PLG: variants seen among roughly 807,000 people sequenced by gnomAD.
PLG encodes the protein plasminogen.
In PLG, 41 loss-of-function variants were observed where a neutral mutation model predicts 104.4. The ratio of observed to expected loss-of-function variants is 0.39; its 90% CI spans 0.31 to 0.51. PLG has a LOEUF of 0.51. PLG is among the 20% of genes least tolerant of loss of function. PLG has a pLI of 0.76. For missense variants in PLG, 891 were observed against 1,003.6 expected (o/e 0.89, Z 1.52); for synonymous variants, 337 against 357.1 (o/e 0.94, Z 0.63).
rs771422389 is a variant in PLG, at chr6:160,718,359, G to T, written c.853G>T (p.Gly285Trp). 5 of 1,613,864 alleles carry T rather than the reference G, an allele frequency of 3.1e-6. No homozygotes were observed. Among genetic ancestry groups the T allele is most frequent in the Non-Finnish European group, 4.2e-6 (5 of 1,179,696 alleles). Residue 285 changes from glycine (G) to tryptophan (W), a missense_variant, in exon 8 of 19, where the codon GGG becomes TGG. Gly to Trp is a radical substitution (Grantham distance 184, BLOSUM62 -2). This residue lies in a region of PLG where 854 missense variants were observed against 932.1 expected (regional missense o/e 0.92). Coordinates refer to ENST00000308192, the MANE Select transcript of PLG (RefSeq NM_000301.5). The part of the protein sequence containing the change: ...CLKGTGENYR[G>W]NVAVTVSGHT... ...GAAGGGAACAGGTGAAAACTATCGCGGGAATGTGGCTGTTACCGTGTCCGG... is the reference window on the plus strand; with the variant it reads ...GAAGGGAACAGGTGAAAACTATCGCTGGAATGTGGCTGTTACCGTGTCCGG...
Position 160,737,361 on chromosome 6 carries a change from G to A in PLG, c.1802+354G>A, listed in dbSNP as rs1305206136. On this transcript the variant is annotated intron_variant, in intron 14 of 18. Coordinates refer to ENST00000308192, the MANE Select transcript of PLG (RefSeq NM_000301.5). This position sits in a 1 kb window ranked among gnomAD's most constrained non-coding sequence, Gnocchi z 4.7. ...CATTGTCAGATGAAAAGAGGGGGAAGTTTTTAGAAATGTGACACTTTCTGG... is the reference window on the plus strand; with the variant it reads ...CATTGTCAGATGAAAAGAGGGGGAAATTTTTAGAAATGTGACACTTTCTGG... Among the ~76,000 whole-genome samples, 1 of 152,150 alleles carries A rather than the reference G, an allele frequency of 6.6e-6. No individual in the cohort carries two copies. The highest frequency in any genetic ancestry group is 2.4e-5 in the African/African-American group (1 of 41,434).
intron 3 of PLG, 34 bp from the exon 4 acceptor site, chr6:160,711,043 A>G (rs772526512): frequency 6.2e-7 from 1 of 1,610,242 alleles, no homozygotes; most frequent in Non-Finnish European, 8.5e-7. Flanking sequence ...GTGTCTTGTG[A>G]AAGACTTTGA....
rs1459831494 is a variant in PLG at position 160,731,872 on chromosome 6, A to G, written c.1566A>G (p.Pro522=). ...GCATTTTCACTCCAGAGACAAATCC[A>G]CGGGCGGGTCTGGAAAAAAATGTAA... is the stretch of plus-strand genomic sequence containing the variant. The part of the protein sequence containing the change: ...RHSIFTPETN[P]RAGLEKNYCR... The change falls in exon 12 of 19, where the codon CCA becomes CCG. Residue 522 remains proline, a synonymous_variant. Coordinates refer to ENST00000308192, the MANE Select transcript of PLG (RefSeq NM_000301.5). The surrounding 1 kb of genome is among the most constrained non-coding windows in gnomAD (Gnocchi z 5.1). 6.2e-7 allele frequency: 1 copy of G among 1,613,992 alleles called. No individual in the cohort carries two copies. Among genetic ancestry groups the G allele is most frequent in the Non-Finnish European group, 8.5e-7 (1 of 1,180,008 alleles).
At chr6:160,718,122 C>T (rs1293616784) in intron 7 of PLG, among the ~76,000 whole-genome samples, 172 bp from the exon 8 acceptor site, 1 of 152,130 alleles carries the variant, frequency 6.6e-6, no homozygotes, top group Admixed American at 6.5e-5. Flanking sequence ...TGTGGTGACA[C>T]GCACCTGTAG....
intron 1 of PLG, 167 bp from the exon 2 acceptor site, chr6:160,706,240 T>C: frequency 1.2e-6 from 1 of 840,266 alleles, no homozygotes; most frequent in South Asian, 1.6e-5. Context: ...TGCCCGACTG[T>C]GTGTTCTTAA....
intron 3 of PLG, among the ~76,000 whole-genome samples, chr6:160,710,117 T>C (rs1486176964): frequency 1.3e-5 from 2 of 152,334 alleles, no homozygotes; most frequent in Non-Finnish European, 1.5e-5. Context: ...TCAATCTGAA[T>C]GTGTAAAACC....
Position 160,731,960 on chromosome 6 carries a change from G to T in PLG, c.1587+67G>T. 1.3e-6 allele frequency: 2 copies of T among 1,540,984 alleles called. No individual in the cohort carries two copies. The highest frequency in any genetic ancestry group is 1.8e-6 in the Non-Finnish European group (2 of 1,115,370). On this transcript the variant is annotated intron_variant, in intron 12 of 18. Transcript: ENST00000308192. This position sits in a 1 kb window ranked among gnomAD's most constrained non-coding sequence, Gnocchi z 5.1. ...AATCTTTGCAAACAGAATTGGTTCT[G>T]TGTTACAGAAAATCTGACCTGGACT...
intron 3 of PLG, 54 bp from the exon 4 acceptor site, chr6:160,711,023 C>G: frequency 6.3e-7 from 1 of 1,586,730 alleles, no homozygotes. Context: ...GCTGTGCAGA[C>G]CTTCATGTGG....
chr6:160,753,601 T>C lies in PLG; in HGVS notation c.*540T>C, dbSNP rs1441553495. 3.3e-5 allele frequency among the ~76,000 whole-genome samples: 5 copies of C among 152,132 alleles called. No homozygotes were observed. The highest frequency in any genetic ancestry group is 7.4e-5 in the Non-Finnish European group (5 of 68,018). On this transcript the variant is annotated 3_prime_UTR_variant, in exon 19 of 19. Transcript: ENST00000308192. This position sits in a 1 kb window ranked among gnomAD's most constrained non-coding sequence, Gnocchi z 5.4. ...ATTGGGAATGAAATCTGTCACCGAC[T>C]GCTTGACTTGAGCCCAGGGGACACG...
intron 6 of PLG, 128 bp downstream of exon 6, chr6:160,715,042 T>C: frequency 1.1e-6 from 1 of 919,922 alleles, no homozygotes; most frequent in Non-Finnish European, 1.7e-6. Flanking sequence ...ATTTCAAAGC[T>C]AACCTCCTCC....
chr6:160,707,827 C>T (rs779094073), intron 3 of PLG, 21 bp downstream of exon 3: 47 of 1,524,978 alleles, frequency 3.1e-5, no homozygotes, highest in Non-Finnish European at 3.8e-5. Flanking sequence ...TTTCTTCCTC[C>T]TCCTCCTACT....
rs1778416234 is a variant in PLG, at chr6:160,752,252, A to G, written c.2263A>G (p.Ser755Gly). ...TGGGCATTTGGCCGGAGGCACTGAC[A>G]GTTGCCAGGTAAGCAAAGATCAAGA... ...CAGHLAGGTD[S>G]CQGDSGGPLV... The change falls in exon 18 of 19, where the codon AGT (serine) becomes GGT (glycine). Residue 755 changes from serine to glycine, a missense_variant. This residue lies in a region of PLG where 37 missense variants were observed against 71.5 expected (regional missense o/e 0.52). Transcript: ENST00000308192. The surrounding 1 kb of genome is among the most constrained non-coding windows in gnomAD (Gnocchi z 4.7). The G allele has an allele frequency of 8.1e-6, 13 of 1,613,872 alleles. No individual in the cohort carries two copies. The highest frequency in any genetic ancestry group is 1.1e-5 in the Non-Finnish European group (13 of 1,179,844).
In PLG at chr6:160,716,773, A is replaced by T. The variant is rs1288548252; in HGVS notation, c.787+10A>T. Reference sequence around the variant, plus strand: ...GACATCCCCCGCTGCAGTGAGTATGATGCACACCCAGATTCCAGGATTTGG... The same window carrying T: ...GACATCCCCCGCTGCAGTGAGTATGTTGCACACCCAGATTCCAGGATTTGG... On this transcript the variant is annotated intron_variant, in intron 7 of 18. Coordinates refer to ENST00000308192, the MANE Select transcript of PLG (RefSeq NM_000301.5). 2 of 1,454,822 alleles carry T rather than the reference A, an allele frequency of 1.4e-6. No homozygotes were observed. Among genetic ancestry groups the T allele is most frequent in the African/African-American group, 2.8e-5 (2 of 71,604 alleles). 90.1% of individuals were successfully genotyped at this position (1,454,822 alleles called of 1,614,324 possible). A position where few individuals can be genotyped will look rare whatever the true frequency, so the allele number is the denominator to read the frequency against.
intron 5 of PLG, 42 bp from the exon 6 acceptor site, chr6:160,714,752 G>GT: frequency 6.2e-7 from 1 of 1,609,678 alleles, no homozygotes; most frequent in Non-Finnish European, 8.5e-7. Flanking sequence ...ATCCATTTCA[G>GT]TTTTCTTCTT....
Position 160,741,457 on chromosome 6 carries a change from G to A in PLG, c.2125+40G>A. On this transcript the variant is annotated intron_variant, in intron 17 of 18. Transcript: ENST00000308192. The surrounding 1 kb of genome is among the most constrained non-coding windows in gnomAD (Gnocchi z 4.7). ...ATTGCCCACATAACGAATTGGTTTT[G>A]ACCTACAGTCCATGTGACAAAATGA... The A allele has an allele frequency of 8.8e-7, 1 of 1,136,342 alleles. No individual in the cohort carries two copies. Among genetic ancestry groups the A allele is most frequent in the Non-Finnish European group, 1.3e-6 (1 of 744,016 alleles). 70.4% of individuals were successfully genotyped at this position (1,136,342 alleles called of 1,614,324 possible).
chr6:160,716,516 C>T, intron 6 of PLG, 129 bp from the exon 7 acceptor site: 1 of 726,940 alleles, frequency 1.4e-6, no homozygotes, highest in Non-Finnish European at 2.5e-6. Context: ...ACACAGCCTT[C>T]ATCTGATTAC....
rs536633945 is a variant in PLG, at chr6:160,741,212, T to C, written c.2019-99T>C. The C allele has an allele frequency of 2.0e-5, 17 of 832,962 alleles. No individual in the cohort carries two copies. The highest frequency in any genetic ancestry group is 1.3e-4 in the African/African-American group (8 of 59,926). 51.6% of individuals were successfully genotyped at this position (832,962 alleles called of 1,614,324 possible). ...TGTCAGTGAAGCAAGGCAGTGCCAG[T>C]TCAGAGGGCTCTGGGGCCTCAAGAC... On this transcript the variant is annotated intron_variant, in intron 16 of 18. Coordinates refer to ENST00000308192, the MANE Select transcript of PLG (RefSeq NM_000301.5). This position sits in a 1 kb window ranked among gnomAD's most constrained non-coding sequence, Gnocchi z 4.7.
Position 160,753,878 on chromosome 6 carries a change from G to T in PLG, c.*817G>T, listed in dbSNP as rs940490226. Among the ~76,000 whole-genome samples the T allele has an allele frequency of 6.6e-6, 1 of 152,144 alleles. No individual in the cohort carries two copies. Among genetic ancestry groups the T allele is most frequent in the African/African-American group, 2.4e-5 (1 of 41,408 alleles). On this transcript the variant is annotated 3_prime_UTR_variant, in exon 19 of 19. Coordinates refer to ENST00000308192, the MANE Select transcript of PLG (RefSeq NM_000301.5). The surrounding 1 kb of genome is among the most constrained non-coding windows in gnomAD (Gnocchi z 5.4). The stretch of plus-strand genomic sequence containing the variant: ...CTGTGGGAGAGATACATGTTTAGAA[G>T]GAAGAGAAAGGACAAAGGCACACGT...
intron 17 of PLG, among the ~76,000 whole-genome samples, chr6:160,748,567 C>G (rs1306040105): frequency 2.0e-5 from 3 of 151,798 alleles, no homozygotes; most frequent in African/African-American, 7.3e-5. Flanking sequence ...TAAGAAAGTG[C>G]ACCAAGCACC....
Sources: allele counts gnomAD v4.1 joint callset (sites outside exome capture counted in the v4.1 genomes callset), GRCh38; gene constraint gnomAD v4.1.1; regional missense constraint gnomAD v4.1.1; non-coding constraint Gnocchi (gnomAD v3.1); transcripts MANE v1.5; gene names NCBI Gene and HGNC (gene_info 2026-07-23, HGNC 2026-07-21).